The following TBC1D5 variants were observed in gnomAD, a reference collection of about 807,000 sequenced individuals.
TBC1D5 encodes TBC1 domain family, member 5.
A neutral mutation model predicts 100.3 loss-of-function variants in TBC1D5; 75 were observed. The observed-to-expected ratio is 0.75, with a 90% CI of 0.62 to 0.91. The LOEUF (loss-of-function observed/expected upper bound fraction) is 0.91. Among genes scored for constraint, TBC1D5 ranks in the 40% least tolerant of loss-of-function variants. The probability of loss-of-function intolerance (pLI) is 0.00; values close to 1 mark genes in which losing one functional copy is unlikely to be tolerated. For synonymous variants in TBC1D5, 323 were observed against 325.6 expected, an observed-to-expected ratio of 0.99 and a Z score of 0.09; for missense variants, 910 against 942.4, an observed-to-expected ratio of 0.97 and a Z score of 0.45.
intron 3 of TBC1D5, among the ~76,000 whole-genome samples, chr3:17,451,711 G>A (rs1412829605): frequency 2.0e-5 from 3 of 152,120 alleles, no homozygotes; most frequent in African/African-American, 4.8e-5. Flanking sequence ...ACCATGGCAC[G>A]TGTATACCTA....
intron 1 of TBC1D5, among the ~76,000 whole-genome samples, chr3:17,698,081 C>T (rs1207051934): frequency 6.6e-6 from 1 of 151,906 alleles, no homozygotes. Flanking sequence ...GCCCACATTG[C>T]CAAGTCAATC....
chr3:17,513,989 C>T (rs1352870039), intron 2 of TBC1D5, among the ~76,000 whole-genome samples: 1 of 150,844 alleles, frequency 6.6e-6, no homozygotes, highest in African/African-American at 2.4e-5. Context: ...TTGGAAGTAA[C>T]AATGTTCTAA....
At chr3:17,357,864 A>G (rs1039519301) in intron 13 of TBC1D5, among the ~76,000 whole-genome samples, 2 of 152,218 alleles carry the variant, frequency 1.3e-5, no homozygotes, top group Non-Finnish European at 2.9e-5. Context: ...GAACAGGTAT[A>G]GAAAAGATAC....
At chr3:17,238,725 T>C (rs536573779) in intron 16 of TBC1D5, among the ~76,000 whole-genome samples, 1 of 152,306 alleles carries the variant, frequency 6.6e-6, no homozygotes, top group African/African-American at 2.4e-5. Flanking sequence ...CTGGAACTTC[T>C]AGTCTAGTAG....
At chr3:17,448,165 A>C (rs2094842409) in intron 3 of TBC1D5, among the ~76,000 whole-genome samples, 1 of 152,158 alleles carries the variant, frequency 6.6e-6, no homozygotes, top group African/African-American at 2.4e-5. Flanking sequence ...CATTCATTAC[A>C]GTTTTATCAT....
chr3:17,506,928 A>C (rs1272696958), intron 3 of TBC1D5, among the ~76,000 whole-genome samples: 1 of 152,150 alleles, frequency 6.6e-6, no homozygotes, highest in Non-Finnish European at 1.5e-5. Context: ...AGGCAGGAGA[A>C]TGGCGTGAAC....
At chr3:17,480,503 C>A (rs919600808) in intron 3 of TBC1D5, among the ~76,000 whole-genome samples, 4 of 152,206 alleles carry the variant, frequency 2.6e-5, no homozygotes, top group Non-Finnish European at 5.9e-5. Flanking sequence ...CTGGACCCAG[C>A]CAGGACTACC....
In TBC1D5 at chr3:17,636,168, T is replaced by C. The variant is rs76513542; in HGVS notation, c.-100-12255A>G. ...CGCTGCTGTACTCTAGCCTGGGTGA[T>C]AGAGCGAAACTCCATATCAAGAAAA... On this transcript the variant is annotated intron_variant, in intron 1 of 21. Coordinates refer to ENST00000253692, the Ensembl canonical transcript of TBC1D5. 1.6e-4 allele frequency among the ~76,000 whole-genome samples: 25 copies of C among 151,752 alleles called. No homozygotes were observed. The East Asian group carries it at 4.3e-3, about 26-fold the overall frequency.
intron 14 of TBC1D5, among the ~76,000 whole-genome samples, chr3:17,307,689 A>G (rs765280757): frequency 1.1e-4 from 17 of 152,198 alleles, no homozygotes; most frequent in Non-Finnish European, 2.2e-4. Flanking sequence ...TTGCTTTTAT[A>G]TATGCATTTC....
chr3:17,671,986 C>A (rs944633492), intron 1 of TBC1D5, among the ~76,000 whole-genome samples: 2 of 152,182 alleles, frequency 1.3e-5, no homozygotes, highest in African/African-American at 4.8e-5. Context: ...AGAAGAAATA[C>A]TTTAAGTGAA....
chr3:17,698,332 C>T (rs1201266454), intron 1 of TBC1D5, among the ~76,000 whole-genome samples: 1 of 152,014 alleles, frequency 6.6e-6, no homozygotes, highest in Non-Finnish European at 1.5e-5. Context: ...GGAAAACTGG[C>T]TAGCCATATG....
intron 18 of TBC1D5, among the ~76,000 whole-genome samples, chr3:17,200,114 CT>C (rs1346477195): frequency 6.6e-6 from 1 of 152,040 alleles, no homozygotes; most frequent in African/African-American, 2.4e-5. Flanking sequence ...TAGCCTATAA[CT>C]TTTTAGGATT....
intron 18 of TBC1D5, among the ~76,000 whole-genome samples, chr3:17,209,324 A>T (rs932058324): frequency 3.3e-5 from 5 of 151,832 alleles, no homozygotes; most frequent in Non-Finnish European, 5.9e-5. Context: ...TTAAAAACAA[A>T]TTTTTTTTGT....
At chr3:17,301,845 T>C (rs980238361) in intron 14 of TBC1D5, among the ~76,000 whole-genome samples, 2 of 152,136 alleles carry the variant, frequency 1.3e-5, no homozygotes, top group African/African-American at 2.4e-5. Context: ...CAATATGAAA[T>C]AAGTCAGTTA....
exon 5 of TBC1D5, chr3:17,406,466 C>T (rs2093772861): frequency 6.2e-7 from 1 of 1,611,618 alleles, no homozygotes; most frequent in Middle Eastern, 1.7e-4. Flanking sequence ...GCCCATTAAT[C>T]CCCTTCTGCC....
At chr3:17,695,791 A>G (rs1371359290) in intron 1 of TBC1D5, among the ~76,000 whole-genome samples, 2 of 152,236 alleles carry the variant, frequency 1.3e-5, no homozygotes, top group Non-Finnish European at 2.9e-5. Context: ...TCAACAGAAC[A>G]TACATTCTTC....
chr3:17,490,976 T>C (rs1400802487), intron 3 of TBC1D5, among the ~76,000 whole-genome samples: 3 of 152,236 alleles, frequency 2.0e-5, no homozygotes, highest in Admixed American at 2.0e-4. Flanking sequence ...GTGTCCTCTC[T>C]GATTTCCTTG....
intron 3 of TBC1D5, among the ~76,000 whole-genome samples, chr3:17,501,866 T>C (rs955172533): frequency 1.4e-4 from 21 of 149,648 alleles, no homozygotes; most frequent in Non-Finnish European, 2.9e-4. Context: ...AGGTTATGTA[T>C]GTCTTATCAA....
At chr3:17,546,057 CAAAA>C (rs577627452) in intron 2 of TBC1D5, among the ~76,000 whole-genome samples, 1 of 152,062 alleles carries the variant, frequency 6.6e-6, no homozygotes, top group African/African-American at 2.4e-5. Context: ...TAATAATCAA[CAAAA>C]AGAGTAACAA....
Sources: gnomAD v4.1 joint callset for allele counts (sites outside exome capture counted in the v4.1 genomes callset) on GRCh38, gnomAD v4.1.1 for gene constraint, MANE v1.5 for transcripts, NCBI Gene and HGNC (gene_info 2026-07-23, HGNC 2026-07-21) for gene names.